The following SLC19A2 variants were observed in gnomAD, a reference collection of about 807,000 sequenced individuals.
SLC19A2 encodes thiamine transporter 1.
SLC19A2 carries 27 observed loss-of-function variants against 44.7 expected under a neutral mutation model. The ratio of observed to expected loss-of-function variants is 0.60; its 90% CI spans 0.45 to 0.83. The LOEUF is 0.83. Among genes scored for constraint, SLC19A2 ranks in the 40% least tolerant of loss-of-function variants. SLC19A2 has a pLI of 0.00. For synonymous variants in SLC19A2, 239 were observed against 243.6 expected (o/e 0.98, Z 0.18); for missense variants, 566 against 613.7 (o/e 0.92, Z 0.82).
chr1:169,474,551 T>G (rs1658266609), intron 2 of SLC19A2, among the ~76,000 whole-genome samples: 1 of 152,166 alleles, frequency 6.6e-6, no homozygotes, highest in Admixed American at 6.5e-5. Context: ...TAAAAATAAC[T>G]CACAAATACT....
intron 1 of SLC19A2, 103 bp downstream of exon 1, chr1:169,485,460 T>G: frequency 7.7e-7 from 1 of 1,299,710 alleles, no homozygotes; most frequent in South Asian, 1.3e-5. Flanking sequence ...CAGAAATCTC[T>G]GCCGAGAATG....
intron 1 of SLC19A2, 41 bp from the exon 2 acceptor site, chr1:169,477,798 A>G: frequency 6.4e-7 from 1 of 1,566,754 alleles, no homozygotes; most frequent in Non-Finnish European, 8.7e-7. Flanking sequence ...AACATTAGTG[A>G]TGAAAGGACC....
chr1:169,468,161 T>A lies in SLC19A2; in HGVS notation c.1315A>T (p.Thr439Ser), dbSNP rs1158678832. The stretch of plus-strand genomic sequence containing the variant: ...CCACTGGCATCTACCACAATTAGAG[T>A]GAGCAGCGTCTGCAGTGCCAGGGCA... ...FIALALQTLL[T>S]LIVVDASGLG... Residue 439 changes from threonine (T) to serine (S), a missense_variant, in exon 5 of 6, where the codon ACT becomes TCT. By Grantham distance (58) the Thr-to-Ser change is moderately conservative. Transcript: ENST00000236137. 7.4e-6 allele frequency: 12 copies of A among 1,613,812 alleles called. No individual in the cohort carries two copies. In the South Asian group the frequency reaches 1.2e-4, roughly 16 times the overall value.
rs774228221 is a variant in SLC19A2 at position 169,485,564 on chromosome 1, T to G, written c.203A>C (p.Glu68Ala). The change falls in exon 1 of 6, where the codon GAG becomes GCG. Residue 68 changes from glutamate (E) to alanine (A), a missense_variant and splice_region_variant. Physicochemically the swap from Glu to Ala is moderately radical, Grantham distance 107. Transcript: ENST00000236137. The stretch of plus-strand genomic sequence containing the variant: ...GCGCCCCGCGTCCGCCGCGCGTACC[T>G]CCCTCTCGGTCAGGTTCTTGTCCGG... ...LGPDKNLTER[E>A]VFNEIYPVWT... is the part of the protein sequence containing the mutation. The G allele has an allele frequency of 6.3e-7, 1 of 1,583,600 alleles. No individual in the cohort carries two copies. Among genetic ancestry groups the G allele is most frequent in the Non-Finnish European group, 8.6e-7 (1 of 1,165,422 alleles).
rs778987954 is a variant in SLC19A2 at position 169,485,697 on chromosome 1, G to C, written c.70C>G (p.Arg24Gly). Residue 24 changes from arginine to glycine, a missense_variant, in exon 1 of 6, where the codon CGG (arginine) becomes GGG (glycine). Transcript: ENST00000236137. ...AAATVLLRTA[R>G]VRRECWFLPT... ...AAGAACCAGCATTCGCGACGGACCC[G>C]AGCGGTCCGCAGGAGCACAGTGGCC... 9.7e-6 allele frequency: 15 copies of C among 1,546,608 alleles called. No individual in the cohort carries two copies. Among genetic ancestry groups the C allele is most frequent in the South Asian group, 1.2e-5 (1 of 84,030 alleles).
chr1:169,466,656 T>C (rs977669079), intron 5 of SLC19A2, among the ~76,000 whole-genome samples: 12 of 152,008 alleles, frequency 7.9e-5, no homozygotes, highest in Non-Finnish European at 1.3e-4. Context: ...ATACATTAGG[T>C]ATTTGTCCTA....
intron 2 of SLC19A2, among the ~76,000 whole-genome samples, chr1:169,472,174 T>C (rs928212752): frequency 6.6e-6 from 1 of 152,210 alleles, no homozygotes; most frequent in African/African-American, 2.4e-5. Context: ...GTTAATCATA[T>C]ATAATGTGAA....
Position 169,485,732 on chromosome 1 carries a change from G to T in SLC19A2, c.35C>A (p.Ala12Glu), listed in dbSNP as rs1356910802. Residue 12 changes from alanine (A) to glutamate (E), a missense_variant, in exon 1 of 6, where the codon GCG becomes GAG. Coordinates refer to ENST00000236137, the MANE Select transcript of SLC19A2 (RefSeq NM_006996.3). ...CAGGAGCACAGTGGCCGCCGCCGCC[G>T]CCGCCCGCCGAGACACCGGGCCGGG... ...DVPGPVSRRA[A>E]AAAATVLLRT... The T allele has an allele frequency of 6.5e-7, 1 of 1,531,030 alleles. No individual in the cohort carries two copies. Among genetic ancestry groups the T allele is most frequent in the Non-Finnish European group, 8.7e-7 (1 of 1,143,774 alleles). 94.8% of individuals were successfully genotyped at this position (1,531,030 alleles called of 1,614,324 possible). A position where few individuals can be genotyped will look rare whatever the true frequency, so the allele number is the denominator to read the frequency against.
At chr1:169,484,966 A>T (rs1658521178) in intron 1 of SLC19A2, among the ~76,000 whole-genome samples, 1 of 151,174 alleles carries the variant, frequency 6.6e-6, no homozygotes, top group Admixed American at 6.6e-5. Context: ...GTCTTAAGGT[A>T]GAGAGGGGCA....
intron 2 of SLC19A2, among the ~76,000 whole-genome samples, chr1:169,471,698 GTATA>G (rs1553212203): frequency 2.0e-5 from 3 of 146,948 alleles, no homozygotes; most frequent in South Asian, 2.2e-4. Flanking sequence ...GTGTGTGTGT[GTATA>G]TATACACACA....
intron 2 of SLC19A2, among the ~76,000 whole-genome samples, chr1:169,476,077 T>C (rs961312312): frequency 6.6e-5 from 10 of 151,858 alleles, no homozygotes; most frequent in Non-Finnish European, 1.5e-4. Context: ...GACTACAGTG[T>C]GGCTGGAATT....
At chr1:169,470,213 A>C in intron 2 of SLC19A2, 27 bp from the exon 3 acceptor site, 2 of 1,594,734 alleles carry the variant, frequency 1.3e-6, no homozygotes, top group South Asian at 1.1e-5. Flanking sequence ...AACAATGCTC[A>C]AACTCTGATG....
intron 2 of SLC19A2, among the ~76,000 whole-genome samples, chr1:169,472,916 C>T (rs1259308502): frequency 6.6e-6 from 1 of 152,188 alleles, no homozygotes; most frequent in African/African-American, 2.4e-5. Context: ...AAACTCTGAG[C>T]TGCTCATAGT....
rs567217771 is a variant in SLC19A2 at position 169,482,209 on chromosome 1, AAAAATT to A, written c.204+3348_204+3353del. 5.1e-3 allele frequency among the ~76,000 whole-genome samples: 779 copies of A among 151,636 alleles called. 10 individuals carry two copies. The highest frequency in any genetic ancestry group is 0.018 in the African/African-American group (747 of 41,314). On this transcript the variant is annotated intron_variant, in intron 1 of 5. Transcript: ENST00000236137. ...AGAGCGAAACTCCATCTCAAAAAAT[AAAAATT>A]AAAATTAAAATTAAAAAATTTAAAA... is the stretch of plus-strand genomic sequence containing the variant.
At chr1:169,466,657 A>G (rs1407117891) in intron 5 of SLC19A2, among the ~76,000 whole-genome samples, 2 of 151,762 alleles carry the variant, frequency 1.3e-5, no homozygotes, top group Non-Finnish European at 2.9e-5. Flanking sequence ...TACATTAGGT[A>G]TTTGTCCTAA....
At chr1:169,472,263 A>T (rs1037523702) in intron 2 of SLC19A2, among the ~76,000 whole-genome samples, 5 of 152,222 alleles carry the variant, frequency 3.3e-5, no homozygotes, top group African/African-American at 9.6e-5. Flanking sequence ...ATTGAACTAC[A>T]TCAGAATTTT....
intron 2 of SLC19A2, among the ~76,000 whole-genome samples, chr1:169,472,515 G>A (rs1658210697): frequency 1.3e-5 from 2 of 152,152 alleles, no homozygotes; most frequent in South Asian, 4.1e-4. Context: ...ATTATACAGA[G>A]TTACACTAGA....
In SLC19A2 at chr1:169,485,738, C is replaced by A; in HGVS notation, c.29G>T (p.Arg10Leu). Residue 10 changes from arginine to leucine, a missense_variant, in exon 1 of 6, where the codon CGG (arginine) becomes CTG (leucine). Arg to Leu is a moderately radical substitution (Grantham distance 102). Transcript: ENST00000236137. The stretch of plus-strand genomic sequence containing the variant: ...CACAGTGGCCGCCGCCGCCGCCGCC[C>A]GCCGAGACACCGGGCCGGGCACATC... MDVPGPVSR[R>L]AAAAAATVLL... 2.6e-6 allele frequency: 4 copies of A among 1,536,334 alleles called. No homozygotes were observed. Among genetic ancestry groups the A allele is most frequent in the Non-Finnish European group, 2.6e-6 (3 of 1,145,236 alleles).
intron 5 of SLC19A2, among the ~76,000 whole-genome samples, chr1:169,466,815 C>T (rs1464491685): frequency 1.3e-5 from 2 of 151,718 alleles, no homozygotes; most frequent in African/African-American, 2.4e-5. Flanking sequence ...TAGTTTGCGG[C>T]GGATGATGCC....
Sources: allele counts gnomAD v4.1 joint callset (sites outside exome capture counted in the v4.1 genomes callset), GRCh38; gene constraint gnomAD v4.1.1; transcripts MANE v1.5; gene names NCBI Gene and HGNC (gene_info 2026-07-23, HGNC 2026-07-21).